RUNX1: variants seen among roughly 807,000 people sequenced by gnomAD.
The protein encoded by RUNX1 is RUNX family transcription factor 1.
RUNX1 carries 19 observed loss-of-function variants against 42.8 expected under a neutral mutation model. The ratio of observed to expected loss-of-function variants is 0.44; its 90% confidence interval spans 0.31 to 0.65. RUNX1 has a LOEUF of 0.65. Ranked by LOEUF, RUNX1 falls within the 30% of genes least tolerant of loss-of-function variation. RUNX1 has a pLI of 0.07. For synonymous variants in RUNX1, 271 were observed against 289.4 expected (o/e 0.94, Z 0.64); for missense variants, 528 against 672.0 (o/e 0.79, Z 2.37).
chr21:34,991,179 C>T (rs960602521), intron 2 of RUNX1, among the ~76,000 whole-genome samples: 15 of 152,356 alleles, frequency 9.8e-5, no homozygotes, highest in African/African-American at 3.1e-4. Flanking sequence ...GCCTCTCTTG[C>T]TATATCCCAG....
chr21:34,855,730 C>G (rs1024396962), intron 6 of RUNX1, among the ~76,000 whole-genome samples: 1 of 152,040 alleles, frequency 6.6e-6, no homozygotes, highest in Non-Finnish European at 1.5e-5. Context: ...AACAAACAAA[C>G]AAAAAACTCT....
chr21:34,893,797 T>C (rs2058106764), intron 2 of RUNX1, among the ~76,000 whole-genome samples: 1 of 151,206 alleles, frequency 6.6e-6, no homozygotes, highest in Non-Finnish European at 1.5e-5. Context: ...AAAAAACCTT[T>C]AAAATAAGAG....
chr21:34,972,892 G>C (rs1450255778), intron 2 of RUNX1, among the ~76,000 whole-genome samples: 1 of 152,124 alleles, frequency 6.6e-6, no homozygotes, highest in Non-Finnish European at 1.5e-5. Context: ...TCAACATCTT[G>C]CTCTGGGTGA....
chr21:34,993,804 GACAC>G (rs760635752), intron 2 of RUNX1, among the ~76,000 whole-genome samples: 4 of 90,634 alleles, frequency 4.4e-5, no homozygotes, highest in South Asian at 3.2e-4. Flanking sequence ...CACACACACA[GACAC>G]ACACACACAC....
At chr21:34,806,141 C>T (rs2056676501) in intron 7 of RUNX1, among the ~76,000 whole-genome samples, 1 of 152,054 alleles carries the variant, frequency 6.6e-6, no homozygotes. Flanking sequence ...TATATTAATA[C>T]TTAGGTTAAA....
At chr21:34,941,209 C>G (rs909556643) in intron 2 of RUNX1, among the ~76,000 whole-genome samples, 1 of 152,202 alleles carries the variant, frequency 6.6e-6, no homozygotes, top group Non-Finnish European at 1.5e-5. Flanking sequence ...CCTCTGGCTC[C>G]CTTTAGCCTC....
chr21:34,905,496 C>G (rs745424826), intron 2 of RUNX1, among the ~76,000 whole-genome samples: 44 of 152,176 alleles, frequency 2.9e-4, no homozygotes, highest in Non-Finnish European at 4.3e-4. Context: ...ATGGTAAACA[C>G]AGATTTAATT....
chr21:34,827,212 T>A (rs1276922004), intron 7 of RUNX1, among the ~76,000 whole-genome samples: 2 of 152,182 alleles, frequency 1.3e-5, no homozygotes, highest in South Asian at 4.1e-4. Context: ...TAGGACTTAA[T>A]GGAATGCAGA....
intron 2 of RUNX1, among the ~76,000 whole-genome samples, chr21:34,914,221 C>T (rs1402947977): frequency 6.6e-6 from 1 of 152,188 alleles, no homozygotes; most frequent in Non-Finnish European, 1.5e-5. Flanking sequence ...TTGCAAGATC[C>T]ATTCATTGAC....
At chr21:35,008,635 G>A (rs2059102939) in intron 2 of RUNX1, among the ~76,000 whole-genome samples, 1 of 152,252 alleles carries the variant, frequency 6.6e-6, no homozygotes, top group South Asian at 2.1e-4. Context: ...TTTGCTGAAT[G>A]TGCACTGCAA....
In RUNX1 at chr21:35,007,007, T is replaced by C. The variant is rs1227222635; in HGVS notation, c.58+41835A>G. 3.3e-5 allele frequency among the ~76,000 whole-genome samples: 5 copies of C among 152,130 alleles called. No homozygotes were observed. In the East Asian group the frequency reaches 9.6e-4, roughly 29 times the overall value. ...TGGCTTCTACAGCTGCACTGCTTGG[T>C]ATTGGTGCCACCAGCCCCATGTGGG... On this transcript the variant is annotated intron_variant, in intron 2 of 8. Transcript: ENST00000675419.
intron 2 of RUNX1, among the ~76,000 whole-genome samples, chr21:34,932,731 G>T (rs28610975): frequency 1.3e-5 from 2 of 151,920 alleles, no homozygotes; most frequent in Admixed American, 6.6e-5. Flanking sequence ...ACCCCTGTTT[G>T]TTTCCCCACA....
intron 2 of RUNX1, among the ~76,000 whole-genome samples, chr21:34,954,568 TAC>T (rs1463792532): frequency 2.6e-5 from 4 of 152,306 alleles, no homozygotes; most frequent in Non-Finnish European, 5.9e-5. Context: ...TGGCCTCTCT[TAC>T]AGTTAGGGCA....
intron 7 of RUNX1, among the ~76,000 whole-genome samples, chr21:34,829,169 T>G (rs2057030168): frequency 6.6e-6 from 1 of 152,256 alleles, no homozygotes; most frequent in Non-Finnish European, 1.5e-5. Flanking sequence ...TCTTAGCCAC[T>G]ATGATCTGCT....
chr21:34,829,181 T>A (rs190940158), intron 7 of RUNX1, among the ~76,000 whole-genome samples: 13 of 152,368 alleles, frequency 8.5e-5, no homozygotes, highest in African/African-American at 3.1e-4. Context: ...TGATCTGCTA[T>A]CTTTCTTGGC....
chr21:35,047,372 C>T (rs937330714), intron 2 of RUNX1, among the ~76,000 whole-genome samples: 3 of 152,152 alleles, frequency 2.0e-5, no homozygotes, highest in South Asian at 2.1e-4. Flanking sequence ...TAGTGACTAA[C>T]GCACGTCTGC....
rs147461137 is a variant in RUNX1, at chr21:34,858,676, C to T, written c.613+798G>A. ...TTAATTTTCCACCAGGGACCTGATA[C>T]GGTTTGGAGACATCTGGATGCTGGG... On this transcript the variant is annotated intron_variant, in intron 6 of 8. Transcript: ENST00000675419. Among the ~76,000 whole-genome samples, 984 of 152,262 alleles carry T rather than the reference C, an allele frequency of 6.5e-3. 10 individuals are homozygous for T. The highest frequency in any genetic ancestry group is 0.022 in the African/African-American group (919 of 41,530).
At chr21:34,846,406 T>A (rs1286337207) in intron 6 of RUNX1, among the ~76,000 whole-genome samples, 1 of 151,590 alleles carries the variant, frequency 6.6e-6, no homozygotes, top group Non-Finnish European at 1.5e-5. Context: ...TGGCAGGACA[T>A]CCCAGGGGCC....
At chr21:34,840,356 A>T (rs1473274151) in intron 6 of RUNX1, among the ~76,000 whole-genome samples, 1 of 152,214 alleles carries the variant, frequency 6.6e-6, no homozygotes, top group Non-Finnish European at 1.5e-5. Flanking sequence ...AGTAGGCGTT[A>T]AGAATTCTCC....
Sources: allele counts gnomAD v4.1 joint callset (sites outside exome capture counted in the v4.1 genomes callset), GRCh38; gene constraint gnomAD v4.1.1; transcripts MANE v1.5; gene names NCBI Gene and HGNC (gene_info 2026-07-23, HGNC 2026-07-21).